The following TAFA1 variants were observed in gnomAD, a reference collection of about 807,000 sequenced individuals.
The protein encoded by TAFA1 is TAFA chemokine like family member 1, also known as chemokine-like protein TAFA-1.
A neutral mutation model predicts 18.5 loss-of-function variants in TAFA1; 4 were observed. The ratio of observed to expected loss-of-function variants is 0.22; its 90% CI spans 0.11 to 0.49. The LOEUF (loss-of-function observed/expected upper bound fraction) is 0.49, where lower values mean the gene tolerates loss of function less well. Ranked by LOEUF, TAFA1 falls within the 20% of genes least tolerant of loss-of-function variation. TAFA1 has a pLI of 0.98. For missense variants in TAFA1, 147 were observed against 169.0 expected, an observed-to-expected ratio of 0.87 and a Z score of 0.72; for synonymous variants, 56 against 55.2, an observed-to-expected ratio of 1.01 and a Z score of -0.06.
At chr3:68,390,279 C>T (rs2070204750) in intron 2 of TAFA1, among the ~76,000 whole-genome samples, 1 of 144,986 alleles carries the variant, frequency 6.9e-6, no homozygotes, top group African/African-American at 2.4e-5. Flanking sequence ...AACCACAAAG[C>T]TACTGTAGCC....
chr3:68,287,689 T>G (rs563067557), intron 2 of TAFA1, among the ~76,000 whole-genome samples: 1 of 152,298 alleles, frequency 6.6e-6, no homozygotes, highest in East Asian at 1.9e-4. Context: ...AAAATACATC[T>G]GAGGAAATTA....
At chr3:68,442,689 C>T (rs1242612328) in intron 3 of TAFA1, among the ~76,000 whole-genome samples, 2 of 152,090 alleles carry the variant, frequency 1.3e-5, no homozygotes, top group Non-Finnish European at 2.9e-5. Flanking sequence ...GTATGGGATG[C>T]TTTGCTAACA....
At chr3:68,334,270 C>T (rs1162328109) in intron 2 of TAFA1, among the ~76,000 whole-genome samples, 1 of 152,080 alleles carries the variant, frequency 6.6e-6, no homozygotes, top group African/African-American at 2.4e-5. Context: ...TACATGTTTT[C>T]CTTTCTTCAT....
chr3:68,401,294 G>A (rs2070484389), intron 2 of TAFA1, among the ~76,000 whole-genome samples: 1 of 152,128 alleles, frequency 6.6e-6, no homozygotes, highest in South Asian at 2.1e-4. Context: ...CATTTACAGA[G>A]TTCTTCTTGT....
chr3:68,095,425 A>G (rs1229841010), intron 2 of TAFA1, among the ~76,000 whole-genome samples: 1 of 152,140 alleles, frequency 6.6e-6, no homozygotes, highest in African/African-American at 2.4e-5. Flanking sequence ...AAAGCTTTCT[A>G]TGCTGGTCCT....
At chr3:68,300,483 G>A (rs1225299789) in intron 2 of TAFA1, among the ~76,000 whole-genome samples, 1 of 152,312 alleles carries the variant, frequency 6.6e-6, no homozygotes, top group African/African-American at 2.4e-5. Flanking sequence ...ATTCCTAGGT[G>A]GAAGGGAGAC....
intron 3 of TAFA1, among the ~76,000 whole-genome samples, chr3:68,467,581 G>A (rs1258613438): frequency 6.6e-6 from 1 of 152,174 alleles, no homozygotes; most frequent in Non-Finnish European, 1.5e-5. Context: ...TGTAGCATGG[G>A]AATTTACAGC....
At chr3:68,206,065 CT>C (rs1294478424) in intron 2 of TAFA1, among the ~76,000 whole-genome samples, 1 of 151,652 alleles carries the variant, frequency 6.6e-6, no homozygotes, top group African/African-American at 2.4e-5. Flanking sequence ...TGTTTTTATT[CT>C]TTTTTTGTGT....
chr3:68,116,462 A>G (rs1240291818), intron 2 of TAFA1, among the ~76,000 whole-genome samples: 3 of 152,192 alleles, frequency 2.0e-5, no homozygotes, highest in African/African-American at 7.2e-5. Flanking sequence ...TTATTTGTAG[A>G]TCATTCATTC....
chr3:68,044,307 G>A (rs1015338831), intron 2 of TAFA1, among the ~76,000 whole-genome samples: 28 of 152,120 alleles, frequency 1.8e-4, no homozygotes, highest in African/African-American at 6.3e-4. Flanking sequence ...AGGGACTTTT[G>A]TTCTTTTATG....
chr3:68,333,043 C>CATGT (rs1559621400), intron 2 of TAFA1, among the ~76,000 whole-genome samples: 1 of 152,170 alleles, frequency 6.6e-6, no homozygotes, highest in East Asian at 1.9e-4. Context: ...AACACCTATA[C>CATGT]ACTGCTGGTA....
In TAFA1 at chr3:68,084,945, A is replaced by T. The variant is rs534444358; in HGVS notation, c.118+78201A>T. On this transcript the variant is annotated intron_variant, in intron 2 of 4. Transcript: ENST00000478136. Reference sequence around the variant, plus strand: ...TTTGAAATATCTGTCCTTATGTTAGAGTCACTGCTGTATGTACTTTCCTCC... The same window carrying T: ...TTTGAAATATCTGTCCTTATGTTAGTGTCACTGCTGTATGTACTTTCCTCC... Among the ~76,000 whole-genome samples, 7 of 152,282 alleles carry T rather than the reference A, an allele frequency of 4.6e-5. No homozygotes were observed. In the South Asian group the frequency reaches 1.4e-3, roughly 32 times the overall value.
chr3:68,332,550 T>C (rs1394473648), intron 2 of TAFA1, among the ~76,000 whole-genome samples: 1 of 152,138 alleles, frequency 6.6e-6, no homozygotes, highest in African/African-American at 2.4e-5. Flanking sequence ...AAGAAACTCA[T>C]GCAACTCAAC....
At chr3:68,520,884 G>C (rs2073010659) in intron 3 of TAFA1, among the ~76,000 whole-genome samples, 1 of 152,136 alleles carries the variant, frequency 6.6e-6, no homozygotes. Flanking sequence ...TCTGGCTTTG[G>C]TGCAGTCAAA....
chr3:68,139,218 G>A lies in TAFA1; in HGVS notation c.118+132474G>A, dbSNP rs546136187. On this transcript the variant is annotated intron_variant, in intron 2 of 4. Transcript: ENST00000478136. ...TATCTCTTGCAAACATTGACATACCGAATATCAGGTCAATTAACTTTAGAA... is the reference window on the plus strand; with the variant it reads ...TATCTCTTGCAAACATTGACATACCAAATATCAGGTCAATTAACTTTAGAA... Among the ~76,000 whole-genome samples the A allele has an allele frequency of 6.6e-5, 10 of 152,050 alleles. No individual in the cohort carries two copies. In the South Asian group the frequency reaches 1.9e-3, roughly 28 times the overall value.
At chr3:68,220,984 A>G (rs934242163) in intron 2 of TAFA1, among the ~76,000 whole-genome samples, 2 of 152,132 alleles carry the variant, frequency 1.3e-5, no homozygotes, top group African/African-American at 4.8e-5. Context: ...TCCCAGAAAC[A>G]GAATGATCTT....
intron 3 of TAFA1, among the ~76,000 whole-genome samples, chr3:68,447,454 T>C (rs985098224): frequency 8.5e-5 from 13 of 152,302 alleles, no homozygotes; most frequent in Admixed American, 4.6e-4. Context: ...ATGCATCACT[T>C]GCTCAGGATC....
At chr3:68,423,396 C>T (rs2106815189) in intron 3 of TAFA1, among the ~76,000 whole-genome samples, 1 of 152,210 alleles carries the variant, frequency 6.6e-6, no homozygotes, top group South Asian at 2.1e-4. Flanking sequence ...GCCAGAAGGT[C>T]AGCCTGGGCT....
chr3:68,300,868 C>T (rs1026301366), intron 2 of TAFA1, among the ~76,000 whole-genome samples: 6 of 152,112 alleles, frequency 3.9e-5, no homozygotes, highest in African/African-American at 1.2e-4. Context: ...CCTTGCTTCC[C>T]CTTCCACCAT....
Sources: allele counts gnomAD v4.1 joint callset (sites outside exome capture counted in the v4.1 genomes callset), GRCh38; gene constraint gnomAD v4.1.1; transcripts MANE v1.5; gene names NCBI Gene and HGNC (gene_info 2026-07-23, HGNC 2026-07-21).